Variants in NELL1 observed in about 807,000 individuals in gnomAD.
The protein encoded by NELL1 is protein kinase C-binding protein NELL1.
NELL1 carries 76 observed loss-of-function variants against 107.4 expected under a neutral mutation model. The observed-to-expected ratio is 0.71, with a 90% CI of 0.59 to 0.86. The LOEUF (loss-of-function observed/expected upper bound fraction) is 0.86, where lower values mean the gene tolerates loss of function less well. NELL1 is among the 40% of genes least tolerant of loss of function. The pLI is 0.00. For synonymous variants in NELL1, 353 were observed against 341.2 expected, an observed-to-expected ratio of 1.03 and a Z score of -0.38; for missense variants, 1,024 against 1,005.5, an observed-to-expected ratio of 1.02 and a Z score of -0.25.
chr11:21,271,632 A>C (rs912929400), intron 14 of NELL1, among the ~76,000 whole-genome samples: 2 of 152,240 alleles, frequency 1.3e-5, no homozygotes, highest in Admixed American at 1.3e-4. Flanking sequence ...TGTGAGGCCA[A>C]CATTACTCTA....
intron 5 of NELL1, among the ~76,000 whole-genome samples, chr11:20,895,738 C>T (rs532187083): frequency 6.6e-6 from 1 of 151,910 alleles, no homozygotes; most frequent in Non-Finnish European, 1.5e-5. Context: ...GAACTCCTGA[C>T]CTCGTGATCC....
At chr11:21,224,370 C>G (rs1857838737) in intron 13 of NELL1, among the ~76,000 whole-genome samples, 1 of 151,024 alleles carries the variant, frequency 6.6e-6, no homozygotes, top group South Asian at 2.1e-4. Flanking sequence ...GTTATGACCA[C>G]AGTTGTATGC....
intron 2 of NELL1, among the ~76,000 whole-genome samples, chr11:20,772,270 G>C (rs1020912731): frequency 6.6e-6 from 1 of 152,168 alleles, no homozygotes; most frequent in Non-Finnish European, 1.5e-5. Context: ...GGGAGGCATA[G>C]CATTGGAGTA....
At chr11:21,497,344 G>T (rs912081873) in intron 15 of NELL1, among the ~76,000 whole-genome samples, 1 of 152,028 alleles carries the variant, frequency 6.6e-6, no homozygotes. Flanking sequence ...ACCAAATATT[G>T]TCATTTCAGT....
chr11:21,205,747 G>A (rs1418470911), intron 13 of NELL1, among the ~76,000 whole-genome samples: 1 of 152,164 alleles, frequency 6.6e-6, no homozygotes, highest in African/African-American at 2.4e-5. Context: ...CCTCAACAAA[G>A]TAGATGGTTG....
chr11:21,044,111 C>T, intron 12 of NELL1, among the ~76,000 whole-genome samples: 1 of 152,152 alleles, frequency 6.6e-6, no homozygotes, highest in East Asian at 1.9e-4. Flanking sequence ...CCTGAGGATG[C>T]TTGAAGTTTA....
chr11:21,232,082 T>C (rs1022472893), intron 14 of NELL1, among the ~76,000 whole-genome samples: 4 of 149,142 alleles, frequency 2.7e-5, no homozygotes, highest in African/African-American at 9.9e-5. Context: ...GTGGATCACC[T>C]GAGGGTCAGG....
intron 15 of NELL1, among the ~76,000 whole-genome samples, chr11:21,452,451 TC>T (rs1853611467): frequency 6.6e-6 from 1 of 152,162 alleles, no homozygotes; most frequent in African/African-American, 2.4e-5. Context: ...GTTCACTTGA[TC>T]AATGTTGTTT....
chr11:20,951,945 T>C (rs965367872), intron 11 of NELL1, among the ~76,000 whole-genome samples: 1 of 151,982 alleles, frequency 6.6e-6, no homozygotes, highest in Non-Finnish European at 1.5e-5. Context: ...AAGGGGAGTG[T>C]GCACTGGAAT....
intron 13 of NELL1, among the ~76,000 whole-genome samples, chr11:21,186,270 C>T (rs538107801): frequency 6.6e-6 from 1 of 151,912 alleles, no homozygotes; most frequent in African/African-American, 2.4e-5. Context: ...ACAGTATATA[C>T]ACCAGTGAAG....
At chr11:21,086,420 A>T (rs139193119) in intron 12 of NELL1, among the ~76,000 whole-genome samples, 1 of 152,196 alleles carries the variant, frequency 6.6e-6, no homozygotes, top group Non-Finnish European at 1.5e-5. Flanking sequence ...ACTAAATATT[A>T]TCTTTACGTG....
chr11:20,771,407 A>G (rs1268012612), intron 2 of NELL1, among the ~76,000 whole-genome samples: 1 of 152,194 alleles, frequency 6.6e-6, no homozygotes, highest in Admixed American at 6.5e-5. Context: ...CCAATTTCCC[A>G]GGGGTGGGAA....
intron 14 of NELL1, among the ~76,000 whole-genome samples, chr11:21,348,034 G>A (rs1850722319): frequency 6.6e-6 from 1 of 152,208 alleles, no homozygotes; most frequent in South Asian, 2.1e-4. Context: ...GACAAGGAGT[G>A]TTGTGACCTG....
At chr11:21,036,649 AT>A (rs1420372588) in intron 12 of NELL1, among the ~76,000 whole-genome samples, 2 of 152,028 alleles carry the variant, frequency 1.3e-5, no homozygotes, top group South Asian at 2.1e-4. Flanking sequence ...ACTCTTGGAA[AT>A]TTATTTAGAT....
chr11:21,564,363 C>T (rs929656774), intron 17 of NELL1, among the ~76,000 whole-genome samples: 8 of 151,886 alleles, frequency 5.3e-5, no homozygotes, highest in Non-Finnish European at 1.5e-5. Flanking sequence ...GTAATGTCTT[C>T]CCTATTCTCT....
At chr11:20,912,210 G>T (rs1180212532) in intron 5 of NELL1, among the ~76,000 whole-genome samples, 2 of 152,184 alleles carry the variant, frequency 1.3e-5, no homozygotes, top group Non-Finnish European at 2.9e-5. Flanking sequence ...AAAAAAAAGT[G>T]CTGCTGATTA....
chr11:21,448,549 A>AT, intron 15 of NELL1, among the ~76,000 whole-genome samples: 1 of 152,328 alleles, frequency 6.6e-6, no homozygotes, highest in East Asian at 1.9e-4. Context: ...CATATATAAT[A>AT]TTTTTAGCAC....
At chr11:20,806,927 G>T (rs1228009423) in intron 3 of NELL1, among the ~76,000 whole-genome samples, 1 of 152,164 alleles carries the variant, frequency 6.6e-6, no homozygotes, top group Middle Eastern at 3.4e-3. Context: ...TAATCTGATA[G>T]GATTCTGAAT....
At chr11:20,743,450 T>C (rs1053309604) in intron 2 of NELL1, among the ~76,000 whole-genome samples, 1 of 152,188 alleles carries the variant, frequency 6.6e-6, no homozygotes, top group Non-Finnish European at 1.5e-5. Flanking sequence ...AACCCTACTT[T>C]CTAGACATGA....
Sources: gnomAD v4.1 joint callset for allele counts (sites outside exome capture counted in the v4.1 genomes callset) on GRCh38, gnomAD v4.1.1 for gene constraint, MANE v1.5 for transcripts, NCBI Gene and HGNC (gene_info 2026-07-23, HGNC 2026-07-21) for gene names.